PLEKHG7: variants seen among roughly 807,000 people sequenced by gnomAD.
The protein encoded by PLEKHG7 is pleckstrin homology and RhoGEF domain containing G7.
PLEKHG7 carries 77 observed loss-of-function variants against 85.2 expected under a neutral mutation model. The observed-to-expected ratio is 0.90, with a 90% confidence interval of 0.75 to 1.09. The LOEUF is 1.09. Among genes scored for constraint, PLEKHG7 ranks in the 50% least tolerant of loss-of-function variants. The pLI is 0.00. For missense variants in PLEKHG7, 777 were observed against 804.3 expected, an observed-to-expected ratio of 0.97 and a Z score of 0.41; for synonymous variants, 301 against 302.4, an observed-to-expected ratio of 1.00 and a Z score of 0.05.
intron 9 of PLEKHG7, among the ~76,000 whole-genome samples, chr12:92,743,007 C>T (rs1872414141): frequency 6.6e-6 from 1 of 152,182 alleles, no homozygotes; most frequent in Non-Finnish European, 1.5e-5. Context: ...CCACGCTATG[C>T]TACAGATGTG....
chr12:92,758,485 T>A (rs940861098), intron 13 of PLEKHG7, among the ~76,000 whole-genome samples: 4 of 152,222 alleles, frequency 2.6e-5, no homozygotes, highest in Non-Finnish European at 5.9e-5. Context: ...AGAACCCACA[T>A]GGAAGCTGGA....
At chr12:92,766,234 A>G (rs1873193396) in intron 15 of PLEKHG7, among the ~76,000 whole-genome samples, 1 of 152,242 alleles carries the variant, frequency 6.6e-6, no homozygotes, top group Non-Finnish European at 1.5e-5. Context: ...TTCATGGGGA[A>G]AAATATCATA....
chr12:92,760,686 G>A (rs1335188791), intron 13 of PLEKHG7, among the ~76,000 whole-genome samples: 1 of 152,100 alleles, frequency 6.6e-6, no homozygotes, highest in East Asian at 1.9e-4. Context: ...TAAGGAAGGA[G>A]ATGCCTTATT....
intron 9 of PLEKHG7, 92 bp from the exon 10 acceptor site, chr12:92,745,386 G>GAAAA: frequency 1.2e-6 from 1 of 847,586 alleles, no homozygotes; most frequent in African/African-American, 1.7e-5. Context: ...CCCTGTTCTA[G>GAAAA]TTAATGATAA....
chr12:92,761,646 G>GAA (rs1196798077), intron 13 of PLEKHG7, 106 bp from the exon 14 acceptor site: 3 of 1,044,818 alleles, frequency 2.9e-6, no homozygotes, highest in Admixed American at 8.9e-5. Flanking sequence ...AAGAAAGAAA[G>GAA]AAAGAAAGAA....
chr12:92,707,247 G>T, intron 2 of PLEKHG7, 109 bp downstream of exon 2: 1 of 1,456,030 alleles, frequency 6.9e-7, no homozygotes, highest in Non-Finnish European at 9.0e-7. Flanking sequence ...AAAGGAGACA[G>T]CACAGGAAGT....
At chr12:92,736,700 T>A (rs1044453054) in intron 6 of PLEKHG7, 123 bp downstream of exon 6, 2 of 511,418 alleles carry the variant, frequency 3.9e-6, no homozygotes, top group Admixed American at 8.8e-5. Context: ...AAGAGCAAAA[T>A]GCAAGAGAGG....
At chr12:92,721,733 T>G (rs1454843571) in intron 3 of PLEKHG7, among the ~76,000 whole-genome samples, 2 of 147,086 alleles carry the variant, frequency 1.4e-5, no homozygotes, top group Non-Finnish European at 3.0e-5. Flanking sequence ...AAAAAAGCAT[T>G]TATCAAGGAT....
At chr12:92,747,949 G>A (rs532314430) in intron 10 of PLEKHG7, among the ~76,000 whole-genome samples, 58 of 152,322 alleles carry the variant, frequency 3.8e-4, no homozygotes, top group Admixed American at 2.3e-3. Flanking sequence ...TACAGTTATA[G>A]AAGGAGTAAG....
chr12:92,756,336 C>T lies in PLEKHG7; in HGVS notation c.1581C>T (p.Asn527=), dbSNP rs1335751308. 1 of 1,613,010 alleles carries T rather than the reference C, an allele frequency of 6.2e-7. No individual in the cohort carries two copies. Among genetic ancestry groups the T allele is most frequent in the South Asian group, 1.1e-5 (1 of 91,048 alleles). The stretch of plus-strand genomic sequence containing the variant: ...TTTTTAAAGAACACATGGCAGAAAA[C>T]ATCTTGTCACCAACCAGCAGACACC... ...KHIFKEHMAE[N]ILSPTSRHLL... Residue 527 remains asparagine, a synonymous_variant, in exon 13 of 17, where the codon AAC becomes AAT. Transcript: ENST00000344636.
chr12:92,754,159 C>A lies in PLEKHG7; in HGVS notation c.1321C>A (p.Leu441Ile), dbSNP rs1277569815. The change falls in exon 11 of 17, where the codon CTC (leucine) becomes ATC (isoleucine). Residue 441 changes from leucine (L) to isoleucine (I), a missense_variant. Physicochemically the swap from Leu to Ile is conservative, Grantham distance 5. Coordinates refer to ENST00000344636, the MANE Select transcript of PLEKHG7 (RefSeq NM_001377329.1). ...PELLVAPLQR[L>I]TRYPLLLKNI... ...GCTGCTAGTGGCCCCACTACAGAGG[C>A]TCACTCGATATCCGTTGTTGCTGAA... is the stretch of plus-strand genomic sequence containing the variant. 1 of 1,614,020 alleles carries A rather than the reference C, an allele frequency of 6.2e-7. No homozygotes were observed.
intron 13 of PLEKHG7, among the ~76,000 whole-genome samples, chr12:92,759,892 A>G (rs567845848): frequency 3.3e-5 from 5 of 152,204 alleles, no homozygotes; most frequent in Admixed American, 1.3e-4. Flanking sequence ...CGGACAGGTT[A>G]AAAAAGATAG....
At chr12:92,730,537 T>C (rs1871954404) in intron 4 of PLEKHG7, among the ~76,000 whole-genome samples, 1 of 152,208 alleles carries the variant, frequency 6.6e-6, no homozygotes, top group African/African-American at 2.4e-5. Flanking sequence ...GTGGTGGTTG[T>C]TGTTTGAGAC....
At chr12:92,711,479 G>A (rs1218157635) in intron 3 of PLEKHG7, among the ~76,000 whole-genome samples, 1 of 152,164 alleles carries the variant, frequency 6.6e-6, no homozygotes, top group African/African-American at 2.4e-5. Flanking sequence ...ATGAAATGCT[G>A]CTATGCATGA....
At chr12:92,727,975 T>TAC (rs772861117) in intron 3 of PLEKHG7, among the ~76,000 whole-genome samples, 2,245 of 143,840 alleles carry the variant, frequency 0.016, 216 homozygotes, top group Non-Finnish European at 0.024. Context: ...TATATATATA[T>TAC]ACACATATAT....
intron 11 of PLEKHG7, among the ~76,000 whole-genome samples, chr12:92,754,966 C>T (rs1031335233): frequency 6.6e-6 from 1 of 151,812 alleles, no homozygotes; most frequent in Non-Finnish European, 1.5e-5. Flanking sequence ...AAAAGTAAGA[C>T]TGTTTAATTG....
chr12:92,712,506 C>T lies in PLEKHG7; in HGVS notation c.530+4834C>T, dbSNP rs932053424. ...AAGCTTACAATAATTCACTGTCATTCTCCAAGATCCATTTGTCTTCTGCAC... is the reference window on the plus strand; with the variant it reads ...AAGCTTACAATAATTCACTGTCATTTTCCAAGATCCATTTGTCTTCTGCAC... On this transcript the variant is annotated intron_variant, in intron 3 of 16. Coordinates refer to ENST00000344636, the MANE Select transcript of PLEKHG7 (RefSeq NM_001377329.1). Among the ~76,000 whole-genome samples the T allele has an allele frequency of 6.6e-5, 10 of 152,220 alleles. No individual in the cohort carries two copies. The East Asian group carries it at 1.7e-3, about 26-fold the overall frequency.
intron 6 of PLEKHG7, 44 bp downstream of exon 6, chr12:92,736,621 C>G (rs940630801): frequency 3.4e-6 from 4 of 1,159,860 alleles, no homozygotes; most frequent in Non-Finnish European, 4.3e-6. Flanking sequence ...TTTTTCTTTT[C>G]GTTTTTTGGT....
At chr12:92,723,317 G>A (rs2136584634) in intron 3 of PLEKHG7, among the ~76,000 whole-genome samples, 1 of 152,260 alleles carries the variant, frequency 6.6e-6, no homozygotes, top group East Asian at 1.9e-4. Context: ...GGACCTAAGG[G>A]TGATAAGGAA....
Sources: allele counts gnomAD v4.1 joint callset (sites outside exome capture counted in the v4.1 genomes callset), GRCh38; gene constraint gnomAD v4.1.1; transcripts MANE v1.5; gene names NCBI Gene and HGNC (gene_info 2026-07-23, HGNC 2026-07-21).